Variants in ITGA11 observed in about 807,000 individuals in gnomAD.
ITGA11 encodes integrin subunit alpha 11.
ITGA11 carries 97 observed loss-of-function variants against 141.9 expected under a neutral mutation model. The observed-to-expected ratio is 0.68, with a 90% CI of 0.58 to 0.81. The LOEUF (loss-of-function observed/expected upper bound fraction) is 0.81, where lower values mean the gene tolerates loss of function less well. Among genes scored for constraint, ITGA11 ranks in the 30% least tolerant of loss-of-function variants. The pLI is 0.00. For missense variants in ITGA11, 1,387 were observed against 1,559.2 expected (o/e 0.89, Z 1.86); for synonymous variants, 658 against 624.6 (o/e 1.05, Z -0.80).
In ITGA11 at chr15:68,302,115, T is replaced by TG. The variant is rs1555444826; in HGVS notation, c.*943_*944insC. On this transcript the variant is annotated 3_prime_UTR_variant, in exon 30 of 30. Transcript: ENST00000315757. ...GTGTGTGTGTGTGTGTGTGTGTGTGTAGGGAGGGGGTGATACAGGGAGGGG... is the reference window on the plus strand; with the variant it reads ...GTGTGTGTGTGTGTGTGTGTGTGTGTGAGGGAGGGGGTGATACAGGGAGGGG... 8 of 133,246 alleles carry TG rather than the reference T, an allele frequency of 6.0e-5. No individual in the cohort carries two copies. Among genetic ancestry groups the TG allele is most frequent in the Non-Finnish European group, 6.6e-5 (4 of 61,034 alleles). 8.3% of individuals were successfully genotyped at this position (133,246 alleles called of 1,614,324 possible). A position where few individuals can be genotyped will look rare whatever the true frequency, so the allele number is the denominator to read the frequency against.
At chr15:68,371,144 G>T (rs1313711551) in intron 2 of ITGA11, among the ~76,000 whole-genome samples, 2 of 152,206 alleles carry the variant, frequency 1.3e-5, no homozygotes, top group African/African-American at 4.8e-5. Context: ...TAGACGAGGT[G>T]ATTTTTGGCT....
At chr15:68,379,290 C>G (rs916969161) in intron 2 of ITGA11, among the ~76,000 whole-genome samples, 1 of 152,236 alleles carries the variant, frequency 6.6e-6, no homozygotes, top group Non-Finnish European at 1.5e-5. Flanking sequence ...GATCTCTTAG[C>G]TGAAAGCTCC....
At chr15:68,331,392 G>A (rs557028396) in intron 14 of ITGA11, among the ~76,000 whole-genome samples, 1 of 152,130 alleles carries the variant, frequency 6.6e-6, no homozygotes, top group South Asian at 2.1e-4. Flanking sequence ...TCTCACGCTG[G>A]TCTATTTTTT....
rs193125417 is a variant in ITGA11, at chr15:68,362,161, T to G, written c.358-457A>C. ...AGGACTGGGTCCCAAAAACATGCCATGGCTCATACTGGGGCAGGGGAAGAT... is the reference window on the plus strand; with the variant it reads ...AGGACTGGGTCCCAAAAACATGCCAGGGCTCATACTGGGGCAGGGGAAGAT... On this transcript the variant is annotated intron_variant, in intron 4 of 29. Coordinates refer to ENST00000315757, the MANE Select transcript of ITGA11 (RefSeq NM_001004439.2). Among the ~76,000 whole-genome samples the G allele has an allele frequency of 1.9e-3, 282 of 152,346 alleles. 1 individual carries two copies. Among genetic ancestry groups the G allele is most frequent in the African/African-American group, 6.6e-3 (273 of 41,576 alleles).
At chr15:68,359,822 A>T (rs72743269) in intron 5 of ITGA11, among the ~76,000 whole-genome samples, 11,801 of 152,240 alleles carry the variant, frequency 0.078, 1,002 homozygotes, top group African/African-American at 0.21. Context: ...CTTTGAAATA[A>T]TGCATACACT....
Position 68,308,983 on chromosome 15 carries a change from C to T in ITGA11, c.3175-1287G>A, listed in dbSNP as rs776541772. Among the ~76,000 whole-genome samples, 6 of 152,216 alleles carry T rather than the reference C, an allele frequency of 3.9e-5. No homozygotes were observed. Among genetic ancestry groups the T allele is most frequent in the African/African-American group, 1.4e-4 (6 of 41,454 alleles). ...AAAAATTAAAGTTGAGCAAAATTTC[C>T]GCTTGACGGGTGCCCAATCTGTTGC... On this transcript the variant is annotated intron_variant, in intron 26 of 29. Transcript: ENST00000315757. The surrounding 1 kb of genome is among the most constrained non-coding windows in gnomAD (Gnocchi z 5.2).
chr15:68,401,579 A>G (rs1896512194), intron 2 of ITGA11, among the ~76,000 whole-genome samples: 1 of 152,190 alleles, frequency 6.6e-6, no homozygotes, highest in Non-Finnish European at 1.5e-5. Flanking sequence ...CACAGGCGTA[A>G]TGTTGAGTGA....
intron 10 of ITGA11, 66 bp from the exon 11 acceptor site, chr15:68,339,710 A>T: frequency 6.3e-7 from 1 of 1,592,918 alleles, no homozygotes; most frequent in Non-Finnish European, 8.6e-7. Context: ...GAGCCACATC[A>T]GGTCCTATGA....
rs144673981 is a variant in ITGA11 at position 68,335,933 on chromosome 15, G to C, written c.1277-88C>G. The C allele has an allele frequency of 6.8e-7, 1 of 1,467,988 alleles. No individual in the cohort carries two copies. Among genetic ancestry groups the C allele is most frequent in the Non-Finnish European group, 9.3e-7 (1 of 1,079,746 alleles). The allele number at this position is 1,467,988 out of a possible 1,614,324, so 90.9% of individuals were successfully genotyped here. A position where few individuals can be genotyped will look rare whatever the true frequency, so the allele number is the denominator to read the frequency against. On this transcript the variant is annotated intron_variant, in intron 11 of 29. Coordinates refer to ENST00000315757, the MANE Select transcript of ITGA11 (RefSeq NM_001004439.2). The surrounding 1 kb of genome is among the most constrained non-coding windows in gnomAD (Gnocchi z 4.9). ...GGTGCATGGCTTGGCAGTGCCAGAG[G>C]ATGGGCCAGTGATGGGGTAGGTTCA... is the stretch of plus-strand genomic sequence containing the variant.
chr15:68,356,503 C>T (rs1373437642), intron 7 of ITGA11, among the ~76,000 whole-genome samples: 1 of 152,170 alleles, frequency 6.6e-6, no homozygotes, highest in African/African-American at 2.4e-5. Context: ...ACTAACACTC[C>T]ATAAGAAGAC....
At chr15:68,426,769 C>T (rs141212056) in intron 1 of ITGA11, among the ~76,000 whole-genome samples, 2,118 of 152,174 alleles carry the variant, frequency 0.014, 53 homozygotes, top group African/African-American at 0.048. Flanking sequence ...AATCCCAGCA[C>T]TTTGGGAGGC....
chr15:68,410,452 G>A (rs2140423190), intron 1 of ITGA11, among the ~76,000 whole-genome samples: 1 of 152,320 alleles, frequency 6.6e-6, no homozygotes, highest in Non-Finnish European at 1.5e-5. Flanking sequence ...ATCACAGAGA[G>A]GGAGAGGAGG....
chr15:68,368,361 C>G (rs889901142), intron 3 of ITGA11, among the ~76,000 whole-genome samples: 1 of 152,238 alleles, frequency 6.6e-6, no homozygotes, highest in African/African-American at 2.4e-5. Context: ...GCAGAGCAAG[C>G]AATGACCCAG....
chr15:68,376,190 G>T (rs116087271), intron 2 of ITGA11, among the ~76,000 whole-genome samples: 1 of 151,042 alleles, frequency 6.6e-6, no homozygotes, highest in Non-Finnish European at 1.5e-5. Context: ...TCTTCACCAC[G>T]CCTTCTGAGG....
At chr15:68,411,925 C>A (rs1179657084) in intron 1 of ITGA11, among the ~76,000 whole-genome samples, 1 of 151,962 alleles carries the variant, frequency 6.6e-6, no homozygotes, top group Non-Finnish European at 1.5e-5. Context: ...AGCAGAGCTG[C>A]CCCAGCTGAG....
At chr15:68,396,503 A>G (rs1288066921) in intron 2 of ITGA11, among the ~76,000 whole-genome samples, 1 of 152,066 alleles carries the variant, frequency 6.6e-6, no homozygotes, top group Non-Finnish European at 1.5e-5. Context: ...AAATTTCACT[A>G]TCATAGCAGA....
In ITGA11 at chr15:68,335,964, A is replaced by G; in HGVS notation, c.1277-119T>C. On this transcript the variant is annotated intron_variant, in intron 11 of 29. Coordinates refer to ENST00000315757, the MANE Select transcript of ITGA11 (RefSeq NM_001004439.2). This position sits in a 1 kb window ranked among gnomAD's most constrained non-coding sequence, Gnocchi z 4.9. ...CCAGTGATGGGGTAGGTTCAGGGCTAGCTGAGCAGATTCAATCACGCAGGG... is the reference window on the plus strand; with the variant it reads ...CCAGTGATGGGGTAGGTTCAGGGCTGGCTGAGCAGATTCAATCACGCAGGG... 1 of 1,187,914 alleles carries G rather than the reference A, an allele frequency of 8.4e-7. No homozygotes were observed. Among genetic ancestry groups the G allele is most frequent in the South Asian group, 1.5e-5 (1 of 67,668 alleles). The allele number at this position is 1,187,914 out of a possible 1,614,324, so 73.6% of individuals were successfully genotyped here.
At position 68,298,227 on chromosome 15, in the gene ITGA11, G is replaced by A. The variant is rs1892949377; in HGVS notation, c.*4832C>T. On this transcript the variant is annotated 3_prime_UTR_variant, in exon 30 of 30. Transcript: ENST00000315757. Reference sequence around the variant, plus strand: ...GTGGTTCACAAAACCTTAGCTTGTTGGCAAGTTTAGACAAAATTATATTTT... The same window carrying A: ...GTGGTTCACAAAACCTTAGCTTGTTAGCAAGTTTAGACAAAATTATATTTT... 1 of 152,096 alleles carries A rather than the reference G, an allele frequency of 6.6e-6. No homozygotes were observed. The highest frequency in any genetic ancestry group is 2.4e-5 in the African/African-American group (1 of 41,404). The allele number at this position is 152,096 out of a possible 1,614,324, so 9.4% of individuals were successfully genotyped here.
Position 68,403,042 on chromosome 15 carries a change from G to A in ITGA11, c.53-13C>T, listed in dbSNP as rs540559724. ...GTGTCCGTGAACCCTGAGGCAGGGG[G>A]AGAGGAGAGGAGAAGCAGGGGAGTC... is the stretch of plus-strand genomic sequence containing the variant. On this transcript the variant is annotated splice_polypyrimidine_tract_variant and intron_variant, in intron 1 of 29. Coordinates refer to ENST00000315757, the MANE Select transcript of ITGA11 (RefSeq NM_001004439.2). 107 of 1,562,058 alleles carry A rather than the reference G, an allele frequency of 6.8e-5. 1 individual carries two copies. In the South Asian group the frequency reaches 9.7e-4, roughly 14 times the overall value.
Sources: allele counts gnomAD v4.1 joint callset (sites outside exome capture counted in the v4.1 genomes callset), GRCh38; gene constraint gnomAD v4.1.1; non-coding constraint Gnocchi (gnomAD v3.1); transcripts MANE v1.5; gene names NCBI Gene and HGNC (gene_info 2026-07-23, HGNC 2026-07-21).